The following RELN variants were observed in gnomAD, a reference collection of about 807,000 sequenced individuals.
RELN encodes reelin.
In RELN, 108 loss-of-function variants were observed where a neutral mutation model predicts 427.6. The ratio of observed to expected loss-of-function variants is 0.25; its 90% confidence interval spans 0.22 to 0.30. The LOEUF (loss-of-function observed/expected upper bound fraction) is 0.30, where lower values mean the gene tolerates loss of function less well. Among genes scored for constraint, RELN ranks in the 10% least tolerant of loss-of-function variants. RELN has a pLI of 1.00. For missense variants in RELN, 3,715 were observed against 4,302.8 expected, an observed-to-expected ratio of 0.86 and a Z score of 3.82; for synonymous variants, 1,524 against 1,513.4, an observed-to-expected ratio of 1.01 and a Z score of -0.16.
At chr7:103,794,729 T>A (rs1458221316) in intron 3 of RELN, among the ~76,000 whole-genome samples, 1 of 152,148 alleles carries the variant, frequency 6.6e-6, no homozygotes, top group Non-Finnish European at 1.5e-5. Context: ...TTAAATTGGA[T>A]CATTCTTTGC....
At position 103,978,087 on chromosome 7, in the gene RELN, C is replaced by T. The variant is rs548888448; in HGVS notation, c.226+11044G>A. ...ATCTTAAATTAATCAAAGAAATGAA[C>T]ATCTTTTTATTTGAGATTAAACATC... is the stretch of plus-strand genomic sequence containing the variant. On this transcript the variant is annotated intron_variant, in intron 1 of 64. Transcript: ENST00000428762. Among the ~76,000 whole-genome samples, 15 of 152,282 alleles carry T rather than the reference C, an allele frequency of 9.9e-5. No homozygotes were observed. In the East Asian group the frequency reaches 2.7e-3, roughly 27 times the overall value.
intron 40 of RELN, among the ~76,000 whole-genome samples, chr7:103,552,968 T>C (rs1830446154): frequency 6.6e-6 from 1 of 152,048 alleles, no homozygotes. Context: ...ATTAATTTGC[T>C]CTCTTGACAA....
intron 48 of RELN, among the ~76,000 whole-genome samples, chr7:103,520,064 T>TTTAATATGAATG (rs1392447174): frequency 1.3e-5 from 2 of 152,120 alleles, no homozygotes; most frequent in Non-Finnish European, 2.9e-5. Flanking sequence ...TTTCCTTTTT[T>TTTAATATGAATG]TTAATATGAA....
In RELN at chr7:103,813,736, G is replaced by A. The variant is rs187709956; in HGVS notation, c.473+19801C>T. ...GCACAAGTAATATTGTATCAGGAAG[G>A]TCTACAAGAAAAAGAGGAAAGCTTG... On this transcript the variant is annotated intron_variant, in intron 3 of 64. Transcript: ENST00000428762. Among the ~76,000 whole-genome samples the A allele has an allele frequency of 2.9e-3, 448 of 152,130 alleles. 3 individuals carry two copies. Among genetic ancestry groups the A allele is most frequent in the African/African-American group, 0.01 (434 of 41,520 alleles).
chr7:103,699,050 T>A (rs1056905624), intron 9 of RELN, among the ~76,000 whole-genome samples: 1 of 152,192 alleles, frequency 6.6e-6, no homozygotes. Context: ...TTTTTTATAT[T>A]ACCTCTACTA....
chr7:103,843,491 T>C (rs2116440695), intron 2 of RELN, among the ~76,000 whole-genome samples: 1 of 152,282 alleles, frequency 6.6e-6, no homozygotes, highest in Admixed American at 6.5e-5. Context: ...AGTACATTAG[T>C]TCTGGGAAGA....
At chr7:103,673,275 C>T (rs1833435036) in intron 11 of RELN, among the ~76,000 whole-genome samples, 1 of 152,022 alleles carries the variant, frequency 6.6e-6, no homozygotes, top group Non-Finnish European at 1.5e-5. Flanking sequence ...TAACCTCTAT[C>T]TGGCTTATCT....
intron 49 of RELN, among the ~76,000 whole-genome samples, chr7:103,519,003 T>C (rs901181323): frequency 6.6e-6 from 1 of 152,218 alleles, no homozygotes; most frequent in Non-Finnish European, 1.5e-5. Context: ...TAAATATTTA[T>C]TTTTCTGTTT....
intron 20 of RELN, among the ~76,000 whole-genome samples, chr7:103,614,910 A>T (rs1038551338): frequency 2.7e-4 from 41 of 152,198 alleles, no homozygotes; most frequent in African/African-American, 9.6e-4. Flanking sequence ...TGGCAGTGAT[A>T]CTGGGTCTGT....
chr7:103,571,109 T>C (rs1355325066), intron 31 of RELN, among the ~76,000 whole-genome samples: 1 of 152,192 alleles, frequency 6.6e-6, no homozygotes, highest in Non-Finnish European at 1.5e-5. Flanking sequence ...CAGTTAGTGA[T>C]AATATGGCCA....
At chr7:103,738,267 T>C (rs1790544156) in intron 6 of RELN, among the ~76,000 whole-genome samples, 1 of 151,894 alleles carries the variant, frequency 6.6e-6, no homozygotes, top group Non-Finnish European at 1.5e-5. Flanking sequence ...TCTCTGACTT[T>C]GTAATTGCTT....
chr7:103,727,391 T>C (rs1790238176), intron 7 of RELN, among the ~76,000 whole-genome samples: 2 of 152,152 alleles, frequency 1.3e-5, no homozygotes, highest in Non-Finnish European at 2.9e-5. Flanking sequence ...ATTGCTTTTA[T>C]ATTATTTTCC....
intron 20 of RELN, among the ~76,000 whole-genome samples, chr7:103,621,651 G>A (rs1325832047): frequency 6.6e-6 from 1 of 152,190 alleles, no homozygotes; most frequent in East Asian, 1.9e-4. Context: ...GGAGGAGGCT[G>A]CAGAGGCTGA....
At chr7:103,845,115 G>A (rs1793642129) in intron 2 of RELN, among the ~76,000 whole-genome samples, 1 of 151,632 alleles carries the variant, frequency 6.6e-6, no homozygotes, top group African/African-American at 2.4e-5. Context: ...TATAGAAACA[G>A]CTCCAGGTAG....
rs182956299 is a variant in RELN, at chr7:103,763,481, A to G, written c.545-10267T>C. On this transcript the variant is annotated intron_variant, in intron 4 of 64. Transcript: ENST00000428762. Reference sequence around the variant, plus strand: ...GTCAATGCATTACATACAATATGGTAAACTAAATTCAGTTAGCAAATATAA... The same window carrying G: ...GTCAATGCATTACATACAATATGGTGAACTAAATTCAGTTAGCAAATATAA... Among the ~76,000 whole-genome samples, 154 of 152,358 alleles carry G rather than the reference A, an allele frequency of 1.0e-3. 1 individual carries two copies. The highest frequency in any genetic ancestry group is 3.5e-3 in the African/African-American group (146 of 41,584).
chr7:103,753,337 T>G, intron 4 of RELN, 123 bp from the exon 5 acceptor site: 2 of 868,294 alleles, frequency 2.3e-6, no homozygotes, highest in Non-Finnish European at 3.8e-6. Flanking sequence ...GGCTACAGAC[T>G]TTTTAGTCTT....
At position 103,953,155 on chromosome 7, in the gene RELN, A is replaced by G. The variant is rs1161908559; in HGVS notation, c.227-35970T>C. Among the ~76,000 whole-genome samples the G allele has an allele frequency of 6.6e-6, 1 of 152,224 alleles. No homozygotes were observed. Among genetic ancestry groups the G allele is most frequent in the Non-Finnish European group, 1.5e-5 (1 of 68,040 alleles). On this transcript the variant is annotated intron_variant, in intron 1 of 64. Coordinates refer to ENST00000428762, the MANE Select transcript of RELN (RefSeq NM_005045.4). The surrounding 1 kb of genome is among the most constrained non-coding windows in gnomAD (Gnocchi z 4.3). ...TCAAAGAGATATTTGCTCCAAGATCAGCACCACAGGGGAAAAATCAGGGCA... is the reference window on the plus strand; with the variant it reads ...TCAAAGAGATATTTGCTCCAAGATCGGCACCACAGGGGAAAAATCAGGGCA...
intron 49 of RELN, among the ~76,000 whole-genome samples, chr7:103,517,404 G>A (rs907796698): frequency 5.3e-5 from 8 of 152,074 alleles, no homozygotes; most frequent in Admixed American, 1.3e-4. Context: ...TCTCTGGAAT[G>A]GAAATTTACC....
intron 2 of RELN, among the ~76,000 whole-genome samples, chr7:103,864,428 T>C (rs182778360): frequency 1.6e-4 from 24 of 152,298 alleles, no homozygotes; most frequent in Admixed American, 9.2e-4. Flanking sequence ...TAAAACTTTA[T>C]ACCTCTTGAA....
Sources: allele counts gnomAD v4.1 joint callset (sites outside exome capture counted in the v4.1 genomes callset), GRCh38; gene constraint gnomAD v4.1.1; non-coding constraint Gnocchi (gnomAD v3.1); transcripts MANE v1.5; gene names NCBI Gene and HGNC (gene_info 2026-07-23, HGNC 2026-07-21).